Variants in PTPRD observed in about 807,000 individuals in gnomAD.
The protein encoded by PTPRD is protein tyrosine phosphatase receptor type D.
A neutral mutation model predicts 214.5 loss-of-function variants in PTPRD; 34 were observed. The observed-to-expected ratio is 0.16, with a 90% CI of 0.12 to 0.21. PTPRD has a LOEUF of 0.21. PTPRD is among the 10% of genes least tolerant of loss of function. The pLI is 1.00. For missense variants in PTPRD, 2,545 were observed against 2,398.7 expected (o/e 1.06, Z -1.27); for synonymous variants, 1,128 against 845.7 (o/e 1.33, Z -5.79).
At chr9:9,070,046 A>C (rs1362817278) in intron 10 of PTPRD, among the ~76,000 whole-genome samples, 1 of 152,204 alleles carries the variant, frequency 6.6e-6, no homozygotes, top group Non-Finnish European at 1.5e-5. Context: ...TCCTCTATGG[A>C]CAAAGTCCTT....
At chr9:8,400,649 G>A (rs746236118) in intron 36 of PTPRD, among the ~76,000 whole-genome samples, 3 of 152,198 alleles carry the variant, frequency 2.0e-5, no homozygotes, top group Non-Finnish European at 4.4e-5. Context: ...AAAGTGTTAT[G>A]AGTGATGTGG....
At chr9:9,302,822 A>T (rs1311762925) in intron 9 of PTPRD, among the ~76,000 whole-genome samples, 2 of 151,458 alleles carry the variant, frequency 1.3e-5, no homozygotes, top group Non-Finnish European at 2.9e-5. Context: ...CTTAGCTCTG[A>T]TATTACCATT....
At chr9:9,775,308 A>G (rs2154485252) in intron 5 of PTPRD, among the ~76,000 whole-genome samples, 1 of 152,282 alleles carries the variant, frequency 6.6e-6, no homozygotes, top group African/African-American at 2.4e-5. Flanking sequence ...TCTGAAGCTG[A>G]AGGGCTGGTT....
intron 5 of PTPRD, among the ~76,000 whole-genome samples, chr9:9,822,436 T>C (rs1229633121): frequency 6.8e-6 from 1 of 147,496 alleles, no homozygotes; most frequent in Non-Finnish European, 1.5e-5. Flanking sequence ...ATACATAATA[T>C]ATAATATATA....
chr9:9,682,277 C>T (rs1326871931), intron 7 of PTPRD, among the ~76,000 whole-genome samples: 1 of 151,694 alleles, frequency 6.6e-6, no homozygotes. Flanking sequence ...CTGGTTTTCT[C>T]TAGTCCTATA....
intron 4 of PTPRD, among the ~76,000 whole-genome samples, chr9:9,983,129 A>C (rs1321865709): frequency 6.6e-6 from 1 of 152,132 alleles, no homozygotes; most frequent in Non-Finnish European, 1.5e-5. Flanking sequence ...ATTTGGATGC[A>C]AATCAAATGT....
At chr9:9,671,153 A>T (rs1341998903) in intron 7 of PTPRD, among the ~76,000 whole-genome samples, 1 of 152,184 alleles carries the variant, frequency 6.6e-6, no homozygotes, top group African/African-American at 2.4e-5. Context: ...ATGGGAAGCC[A>T]CCTCTTGCAT....
rs569457441 is a variant in PTPRD, at chr9:9,333,954, T to A, written c.-203+63495A>T. Among the ~76,000 whole-genome samples, 299 of 152,070 alleles carry A rather than the reference T, an allele frequency of 2.0e-3. 2 individuals are homozygous for A. The highest frequency in any genetic ancestry group is 6.6e-3 in the African/African-American group (274 of 41,526). On this transcript the variant is annotated intron_variant, in intron 9 of 45. Coordinates refer to ENST00000381196, the MANE Select transcript of PTPRD (RefSeq NM_002839.4). The stretch of plus-strand genomic sequence containing the variant: ...ATAGTCTCTTCGATCCTCAATGTCG[T>A]GCGTTCCACCAGATTAGAATCTATG...
At chr9:9,486,150 C>CAGAA (rs2095623407) in intron 8 of PTPRD, among the ~76,000 whole-genome samples, 1 of 30,164 alleles carries the variant, frequency 3.3e-5, no homozygotes, top group African/African-American at 1.5e-4. Flanking sequence ...GACTCTCTCT[C>CAGAA]AAAAAAAAAA....
At chr9:9,698,624 C>A (rs1216078379) in intron 7 of PTPRD, among the ~76,000 whole-genome samples, 1 of 152,180 alleles carries the variant, frequency 6.6e-6, no homozygotes, top group Non-Finnish European at 1.5e-5. Flanking sequence ...CCACTCCAGT[C>A]TCTGGCTGTC....
chr9:10,267,336 GCGT>G (rs2094139411), intron 3 of PTPRD, among the ~76,000 whole-genome samples: 1 of 152,080 alleles, frequency 6.6e-6, no homozygotes, highest in African/African-American at 2.4e-5. Flanking sequence ...AGGAACACTA[GCGT>G]CTTGACACTA....
chr9:9,023,324 A>G (rs947120167), intron 10 of PTPRD, among the ~76,000 whole-genome samples: 10 of 152,118 alleles, frequency 6.6e-5, no homozygotes, highest in Non-Finnish European at 1.5e-4. Context: ...AGAAATAAAT[A>G]TCAACTCTTC....
At chr9:9,608,428 T>C (rs766916287) in intron 7 of PTPRD, among the ~76,000 whole-genome samples, 11 of 152,294 alleles carry the variant, frequency 7.2e-5, no homozygotes, top group Middle Eastern at 3.4e-3. Flanking sequence ...AAAATTTCTA[T>C]TCTTAAAAAG....
chr9:9,904,107 C>T (rs73400690), intron 5 of PTPRD, among the ~76,000 whole-genome samples: 3 of 152,192 alleles, frequency 2.0e-5, no homozygotes, highest in African/African-American at 4.8e-5. Context: ...TTCATCATCT[C>T]ACTTCTCTCT....
At chr9:8,814,559 G>A (rs1198189264) in intron 11 of PTPRD, among the ~76,000 whole-genome samples, 1 of 152,146 alleles carries the variant, frequency 6.6e-6, no homozygotes, top group African/African-American at 2.4e-5. Context: ...GAAACCCTAG[G>A]TGACACGAGC....
intron 3 of PTPRD, among the ~76,000 whole-genome samples, chr9:10,295,563 A>T (rs538194240): frequency 6.6e-6 from 1 of 152,182 alleles, no homozygotes; most frequent in South Asian, 2.1e-4. Flanking sequence ...CAGCATTCAC[A>T]TACTTTTATT....
intron 11 of PTPRD, among the ~76,000 whole-genome samples, chr9:8,812,538 A>G (rs1294177202): frequency 6.6e-6 from 1 of 152,210 alleles, no homozygotes; most frequent in Non-Finnish European, 1.5e-5. Flanking sequence ...CTGAAAGTAC[A>G]TGTGCAACGA....
intron 4 of PTPRD, among the ~76,000 whole-genome samples, chr9:10,032,015 T>G (rs1456795141): frequency 6.6e-6 from 1 of 152,142 alleles, no homozygotes; most frequent in East Asian, 1.9e-4. Flanking sequence ...ATGTCTTGAA[T>G]TTGTCACTTA....
Position 8,484,143 on chromosome 9 carries a change from T to G in PTPRD, c.3389A>C (p.Glu1130Ala), listed in dbSNP as rs1427127111. Residue 1130 changes from glutamate to alanine, a missense_variant, in exon 30 of 46, where the codon GAA becomes GCA. By Grantham distance (107) the Glu-to-Ala change is moderately radical (BLOSUM62 -1). Transcript: ENST00000381196. ...LDGMITVQLPEVPANENIKGY... is the reference protein window; with the variant it reads ...LDGMITVQLPAVPANENIKGY... ...CTTTATATTCTCATTTGCAGGTACT[T>G]CAGGCAGTTGCACAGTAATCATGCC... 1 of 1,614,068 alleles carries G rather than the reference T, an allele frequency of 6.2e-7. No homozygotes were observed. Among genetic ancestry groups the G allele is most frequent in the Non-Finnish European group, 8.5e-7 (1 of 1,179,938 alleles).
Sources: allele counts gnomAD v4.1 joint callset (sites outside exome capture counted in the v4.1 genomes callset), GRCh38; gene constraint gnomAD v4.1.1; transcripts MANE v1.5; gene names NCBI Gene and HGNC (gene_info 2026-07-23, HGNC 2026-07-21).